KCNAB2: variants seen among roughly 807,000 people sequenced by gnomAD.
KCNAB2 encodes potassium voltage-gated channel subfamily A regulatory beta subunit 2.
In KCNAB2, 29 loss-of-function variants were observed where a neutral mutation model predicts 63.6. That is an observed-to-expected ratio of 0.46 (90% CI 0.34 to 0.62). The LOEUF (loss-of-function observed/expected upper bound fraction) is 0.62, where lower values mean the gene tolerates loss of function less well. Ranked by LOEUF, KCNAB2 falls within the 20% of genes least tolerant of loss-of-function variation. The probability of loss-of-function intolerance (pLI) is 0.01; values close to 1 mark genes in which losing one functional copy is unlikely to be tolerated. For synonymous variants in KCNAB2, 222 were observed against 224.2 expected (o/e 0.99, Z 0.09); for missense variants, 359 against 563.9 (o/e 0.64, Z 3.68).
chr1:6,077,757 C>T (rs916670365), intron 4 of KCNAB2, among the ~76,000 whole-genome samples: 29 of 152,266 alleles, frequency 1.9e-4, no homozygotes, highest in Admixed American at 3.3e-4. Flanking sequence ...CTCAGGCTTG[C>T]GGAGCCCCTG....
At position 6,100,139 on chromosome 1, in the gene KCNAB2, G is replaced by A; in HGVS notation, c.*1565G>A. 7.1e-7 allele frequency: 1 copy of A among 1,415,074 alleles called. No individual in the cohort carries two copies. The highest frequency in any genetic ancestry group is 9.3e-7 in the Non-Finnish European group (1 of 1,078,542). The allele number at this position is 1,415,074 out of a possible 1,614,324, so 87.7% of individuals were successfully genotyped here. On this transcript the variant is annotated 3_prime_UTR_variant, in exon 16 of 16. Transcript: ENST00000378083. ...AAGGCTCCACCCTGCCGTCCTGCGG[G>A]AGCCTGCTGTCCAGTCCTGGCCGGG...
rs558549895 is a variant in KCNAB2 at position 6,098,447 on chromosome 1, T to G, written c.1159-38T>G. 1.4e-4 allele frequency: 228 copies of G among 1,611,488 alleles called. 3 individuals carry two copies. In the South Asian group the frequency reaches 2.5e-3, roughly 17 times the overall value. ...TCCTCCCCAGGCCAGGCCCGTCTTG[T>G]TGGTGGGATTCTGATTTGTTGTTGT... On this transcript the variant is annotated intron_variant, in intron 15 of 15. Transcript: ENST00000378083.
intron 1 of KCNAB2, among the ~76,000 whole-genome samples, chr1:6,047,222 G>A (rs1392749365): frequency 1.3e-5 from 2 of 152,276 alleles, no homozygotes; most frequent in East Asian, 3.9e-4. Flanking sequence ...GGAGAAGTGG[G>A]GACCCTGAGG....
rs928000468 is a variant in KCNAB2 at position 6,098,783 on chromosome 1, G to A, written c.*209G>A. ...ATGTCGAAGTCCAGTCTGTGCCGGG[G>A]AAGGCACTGGTTAGGAAGGATGTTC... On this transcript the variant is annotated 3_prime_UTR_variant, in exon 16 of 16. Transcript: ENST00000378083. 2 of 601,954 alleles carry A rather than the reference G, an allele frequency of 3.3e-6. No individual in the cohort carries two copies. The highest frequency in any genetic ancestry group is 1.9e-5 in the African/African-American group (1 of 53,350). 37.3% of individuals were successfully genotyped at this position (601,954 alleles called of 1,614,324 possible).
chr1:6,015,016 C>CCT (rs1658400405), intron 1 of KCNAB2, among the ~76,000 whole-genome samples: 7 of 82,786 alleles, frequency 8.5e-5, no homozygotes, highest in Non-Finnish European at 1.6e-4. Context: ...GGTCACCTTC[C>CCT]TTTTTTTTTT....
chr1:6,026,462 G>A (rs560647245), intron 1 of KCNAB2: 4 of 152,452 alleles, frequency 2.6e-5, no homozygotes, highest in African/African-American at 9.6e-5. Context: ...GGGGTGCTCC[G>A]GGGATCCCGT....
intron 1 of KCNAB2, among the ~76,000 whole-genome samples, chr1:6,004,751 G>A (rs61760766): frequency 0.097 from 14,822 of 152,058 alleles, 963 homozygotes; most frequent in Non-Finnish European, 0.14. Flanking sequence ...ATTCCACATC[G>A]ACAGGTAACT....
chr1:6,077,089 G>A (rs1431825352), intron 4 of KCNAB2, among the ~76,000 whole-genome samples: 15 of 152,174 alleles, frequency 9.9e-5, no homozygotes, highest in African/African-American at 3.6e-4. Flanking sequence ...AGGAGGCTGA[G>A]GCAGGAGAAT....
rs548567855 is a variant in KCNAB2, at chr1:6,097,584, G to C, written c.1158+227G>C. Reference sequence around the variant, plus strand: ...AGAATGTGTGTCAGGGTGGACGAGCGCTGTAGGAGAGAAGCCAGAGATAAA... The same window carrying C: ...AGAATGTGTGTCAGGGTGGACGAGCCCTGTAGGAGAGAAGCCAGAGATAAA... On this transcript the variant is annotated intron_variant, in intron 15 of 15. Transcript: ENST00000378083. 27 of 747,786 alleles carry C rather than the reference G, an allele frequency of 3.6e-5. No individual in the cohort carries two copies. The South Asian group carries it at 4.3e-4, about 12-fold the overall frequency. The allele number at this position is 747,786 out of a possible 1,614,324, so 46.3% of individuals were successfully genotyped here.
intron 1 of KCNAB2, among the ~76,000 whole-genome samples, chr1:6,020,740 C>T (rs764089970): frequency 1.4e-4 from 21 of 152,168 alleles, no homozygotes; most frequent in African/African-American, 3.9e-4. Context: ...GATCTCGGCT[C>T]GCTGCAACCT....
chr1:6,086,036 A>G lies in KCNAB2; in HGVS notation c.425+788A>G. The G allele has an allele frequency of 1.0e-6, 1 of 985,416 alleles. No homozygotes were observed. The highest frequency in any genetic ancestry group is 1.7e-5 in the African/African-American group (1 of 57,338). 61.0% of individuals were successfully genotyped at this position (985,416 alleles called of 1,614,324 possible). A position where few individuals can be genotyped will look rare whatever the true frequency, so the allele number is the denominator to read the frequency against. The stretch of plus-strand genomic sequence containing the variant: ...GGCCAAGGTCCTCACCCACCTTGGG[A>G]CCAACTGGGCTGAGCACTTGCCTAC... On this transcript the variant is annotated intron_variant, in intron 6 of 15. Coordinates refer to ENST00000378083, the MANE Select transcript of KCNAB2 (RefSeq NM_001199862.2). The surrounding 1 kb of genome is among the most constrained non-coding windows in gnomAD (Gnocchi z 4.2).
rs1490077056 is a variant in KCNAB2 at position 6,071,738 on chromosome 1, G to A, written c.219-1017G>A. Among the ~76,000 whole-genome samples the A allele has an allele frequency of 2.0e-5, 3 of 151,626 alleles. No individual in the cohort carries two copies. Among genetic ancestry groups the A allele is most frequent in the Admixed American group, 6.6e-5 (1 of 15,232 alleles). ...CTCTGCTGCGTAGGACTCCTGCGGC[G>A]AGGGCTCCCTCCTGCCGCGTGGGCT... is the stretch of plus-strand genomic sequence containing the variant. On this transcript the variant is annotated intron_variant, in intron 2 of 15. Coordinates refer to ENST00000378083, the MANE Select transcript of KCNAB2 (RefSeq NM_001199862.2). This position sits in a 1 kb window ranked among gnomAD's most constrained non-coding sequence, Gnocchi z 8.5.
rs1248557877 is a variant in KCNAB2, at chr1:6,024,577, T to G, written c.-52-15940T>G. Among the ~76,000 whole-genome samples, 3 of 152,232 alleles carry G rather than the reference T, an allele frequency of 2.0e-5. No homozygotes were observed. The highest frequency in any genetic ancestry group is 4.1e-4 in the South Asian group (2 of 4,838). ...GTGTCTGAAACTGCGAAGCAGCCAG[T>G]GAGGTTACTTTCGCATCCCCTAGCT... On this transcript the variant is annotated intron_variant, in intron 1 of 16. Coordinates refer to the KCNAB2 transcript ENST00000341524. The surrounding 1 kb of genome is among the most constrained non-coding windows in gnomAD (Gnocchi z 5.4).
intron 1 of KCNAB2, among the ~76,000 whole-genome samples, chr1:6,046,491 C>T (rs1482008363): frequency 6.6e-6 from 1 of 152,348 alleles, no homozygotes; most frequent in African/African-American, 2.4e-5. Flanking sequence ...GAGACACGGG[C>T]GTCTAGCTCG....
In KCNAB2 at chr1:6,071,914, C is replaced by T. The variant is rs750615493; in HGVS notation, c.219-841C>T. On this transcript the variant is annotated intron_variant, in intron 2 of 15. Transcript: ENST00000378083. The surrounding 1 kb of genome is among the most constrained non-coding windows in gnomAD (Gnocchi z 8.5). ...GGCTCCTCCTGCCGCGTAGGGCTCC[C>T]GGGAGGATCCGGGGACAGGATGCCT... Among the ~76,000 whole-genome samples, 13 of 152,042 alleles carry T rather than the reference C, an allele frequency of 8.6e-5. No homozygotes were observed. The highest frequency in any genetic ancestry group is 3.3e-4 in the Admixed American group (5 of 15,296).
chr1:6,097,428 G>A (rs752913741), intron 15 of KCNAB2, 71 bp downstream of exon 15: 1 of 1,546,152 alleles, frequency 6.5e-7, no homozygotes, highest in East Asian at 2.4e-5. Context: ...ATCCTCCCAG[G>A]CTCGTCCTGC....
intron 4 of KCNAB2, among the ~76,000 whole-genome samples, chr1:6,075,089 A>T (rs914392247): frequency 2.0e-5 from 3 of 152,188 alleles, no homozygotes; most frequent in African/African-American, 7.2e-5. Flanking sequence ...AGCCCACCAG[A>T]TTGGTTCAGT....
intron 1 of KCNAB2, among the ~76,000 whole-genome samples, chr1:6,000,811 T>C (rs1570814591): frequency 6.6e-6 from 1 of 151,738 alleles, no homozygotes; most frequent in Non-Finnish European, 1.5e-5. Flanking sequence ...GAGACCAGGG[T>C]CTGGGGAATG....
intron 1 of KCNAB2, among the ~76,000 whole-genome samples, chr1:6,000,704 G>A (rs1475289004): frequency 2.0e-5 from 3 of 151,920 alleles, no homozygotes; most frequent in East Asian, 1.9e-4. Flanking sequence ...AAAGGGGCCT[G>A]TTTACATGAA....
Sources: allele counts gnomAD v4.1 joint callset (sites outside exome capture counted in the v4.1 genomes callset), GRCh38; gene constraint gnomAD v4.1.1; non-coding constraint Gnocchi (gnomAD v3.1); transcripts MANE v1.5; gene names NCBI Gene and HGNC (gene_info 2026-07-23, HGNC 2026-07-21).